The following TSPEAR variants were observed in gnomAD, a reference collection of about 807,000 sequenced individuals.
TSPEAR encodes thrombospondin-type laminin G domain and EAR repeat-containing protein.
A neutral mutation model predicts 71.6 loss-of-function variants in TSPEAR; 69 were observed. The ratio of observed to expected loss-of-function variants is 0.96; its 90% CI spans 0.79 to 1.18. The LOEUF (loss-of-function observed/expected upper bound fraction) is 1.18, where lower values mean the gene tolerates loss of function less well. Among genes scored for constraint, TSPEAR ranks in the 50% most tolerant of loss-of-function variants. The pLI is 0.00. For synonymous variants in TSPEAR, 402 were observed against 387.2 expected (o/e 1.04, Z -0.45); for missense variants, 971 against 894.9 (o/e 1.09, Z -1.09).
At chr21:44,664,246 G>GA (rs1985636890) in intron 1 of TSPEAR, among the ~76,000 whole-genome samples, 2 of 151,750 alleles carry the variant, frequency 1.3e-5, no homozygotes, top group Non-Finnish European at 2.9e-5. Context: ...CAAGGTCAAA[G>GA]AAAAAATGCC....
rs1555946022 is a variant in TSPEAR at position 44,671,959 on chromosome 21, A to G, written c.82+39474T>C. ...TAAACTATACAAATAAACCAGAAAA[A>G]CAGTTCAGGATATGAATGAGAAAAT... On this transcript the variant is annotated intron_variant, in intron 1 of 11. Coordinates refer to ENST00000323084, the MANE Select transcript of TSPEAR (RefSeq NM_144991.3). Among the ~76,000 whole-genome samples, 18 of 152,182 alleles carry G rather than the reference A, an allele frequency of 1.2e-4. No homozygotes were observed. The South Asian group carries it at 3.7e-3, about 31-fold the overall frequency.
intron 2 of TSPEAR, among the ~76,000 whole-genome samples, chr21:44,534,937 C>T (rs1257800830): frequency 6.6e-6 from 1 of 151,846 alleles, no homozygotes; most frequent in East Asian, 1.9e-4. Context: ...GAATATTAGT[C>T]AGCCATAAAG....
intron 1 of TSPEAR, among the ~76,000 whole-genome samples, chr21:44,652,472 T>C (rs1601532537): frequency 6.6e-6 from 1 of 152,230 alleles, no homozygotes; most frequent in South Asian, 2.1e-4. Context: ...CCTGAGTCTC[T>C]GACCTCCCAC....
At chr21:44,706,858 G>A (rs1555952491) in intron 1 of TSPEAR, among the ~76,000 whole-genome samples, 1 of 152,154 alleles carries the variant, frequency 6.6e-6, no homozygotes. Flanking sequence ...AGCCTCCTAC[G>A]CAGACCCCAC....
chr21:44,527,413 G>A lies in TSPEAR; in HGVS notation c.1028C>T (p.Ala343Val). The A allele has an allele frequency of 1.2e-6, 2 of 1,614,204 alleles. No homozygotes were observed. Among genetic ancestry groups the A allele is most frequent in the Non-Finnish European group, 1.7e-6 (2 of 1,180,046 alleles). The change falls in exon 7 of 12, where the codon GCC becomes GTC. Residue 343 changes from alanine (A) to valine (V), a missense_variant. Physicochemically the swap from Ala to Val is moderately conservative, Grantham distance 64. Transcript: ENST00000323084. ...FRIPQVGLFV[A>V]TANRKATSAV... ...GGATGTGGCTTTGCGATTGGCTGTG[G>A]CCACAAAGAGCCCCACCTGAGGGAT...
At chr21:44,702,414 G>GAAGTCTAGCTGC (rs1569268865) in intron 1 of TSPEAR, 1 of 1,235,026 alleles carries the variant, frequency 8.1e-7, no homozygotes, top group African/African-American at 2.4e-5. Flanking sequence ...TGTGCTGCCA[G>GAAGTCTAGCTGC]CAGTCTAGCT....
chr21:44,668,920 T>C (rs56310126), intron 1 of TSPEAR, among the ~76,000 whole-genome samples: 6,004 of 152,206 alleles, frequency 0.039, 128 homozygotes, highest in Middle Eastern at 0.085. Flanking sequence ...AGTAGGGAAA[T>C]TGAAACTATT....
intron 10 of TSPEAR, among the ~76,000 whole-genome samples, chr21:44,505,748 CCTTT>C (rs78122555): frequency 0.031 from 4,784 of 151,994 alleles, 191 homozygotes; most frequent in East Asian, 0.084. Context: ...GAATCGCCTT[CCTTT>C]CTAAGGCCGA....
At chr21:44,505,481 G>T (rs1484383890) in intron 10 of TSPEAR, among the ~76,000 whole-genome samples, 1 of 149,120 alleles carries the variant, frequency 6.7e-6, no homozygotes, top group Non-Finnish European at 1.5e-5. Context: ...ATACTGCTGT[G>T]TGGCCGCCCC....
chr21:44,525,995 ATGG>A lies in TSPEAR; in HGVS notation c.1150-159_1150-157del, dbSNP rs377277430. ...CGAGGCCCCCGCATTACAGGTCATC[ATGG>A]TGGGGTGGGCGCAGAGCCGGTCATT... On this transcript the variant is annotated intron_variant, in intron 7 of 11. Transcript: ENST00000323084. 3.3e-3 allele frequency: 2,204 copies of A among 672,910 alleles called. 8 individuals are homozygous for A. Among genetic ancestry groups the A allele is most frequent in the Non-Finnish European group, 4.5e-3 (1,769 of 389,364 alleles). 41.7% of individuals were successfully genotyped at this position (672,910 alleles called of 1,614,324 possible). A position where few individuals can be genotyped will look rare whatever the true frequency, so the allele number is the denominator to read the frequency against.
Position 44,650,718 on chromosome 21 carries a change from CACGCCCTCCA to C in TSPEAR, c.82+60705_82+60714del, listed in dbSNP as rs201702026. On this transcript the variant is annotated intron_variant, in intron 1 of 11. Coordinates refer to ENST00000323084, the MANE Select transcript of TSPEAR (RefSeq NM_144991.3). ...TGTCACAGCAGCCCCCGGATGTCAA[CACGCCCTCCA>C]GCTCCAGCCCCCAGTGAGGGTGGAG... is the stretch of plus-strand genomic sequence containing the variant. Among the ~76,000 whole-genome samples, 1,075 of 152,332 alleles carry C rather than the reference CACGCCCTCCA, an allele frequency of 7.1e-3. 9 individuals carry two copies. The highest frequency in any genetic ancestry group is 0.025 in the African/African-American group (1,032 of 41,580).
chr21:44,525,673 G>A lies in TSPEAR; in HGVS notation c.1316C>T (p.Ala439Val), dbSNP rs782774422. The change falls in exon 8 of 12, where the codon GCG (alanine) becomes GTG (valine). Residue 439 changes from alanine to valine, a missense_variant. Ala to Val is a moderately conservative substitution (Grantham distance 64). Coordinates refer to ENST00000323084, the MANE Select transcript of TSPEAR (RefSeq NM_144991.3). ...AFEVDGEHFL[A>V]VANHREGDNH... ...CCTACCTTCCCGGTGGTTGGCCACC[G>A]CCAGGAAGTGCTCCCCATCCACCTC... 32 of 1,613,950 alleles carry A rather than the reference G, an allele frequency of 2.0e-5. No homozygotes were observed. The highest frequency in any genetic ancestry group is 1.8e-4 in the East Asian group (8 of 44,900).
At chr21:44,690,724 T>C (rs1332840999) in intron 1 of TSPEAR, 2 of 402,016 alleles carry the variant, frequency 5.0e-6, no homozygotes, top group Non-Finnish European at 6.7e-6. Context: ...TAAGGCTAAG[T>C]AGCATGTATT....
intron 1 of TSPEAR, among the ~76,000 whole-genome samples, chr21:44,618,349 G>A (rs1286790977): frequency 1.3e-5 from 2 of 152,228 alleles, no homozygotes; most frequent in Non-Finnish European, 2.9e-5. Context: ...CCCCAGCCAT[G>A]TGAAACTGAG....
intron 1 of TSPEAR, chr21:44,574,953 T>C (rs782504570): frequency 1.2e-6 from 2 of 1,606,618 alleles, no homozygotes; most frequent in South Asian, 2.2e-5. Context: ...CTCCTGCGTG[T>C]CCCTCCTCTG....
rs587711419 is a variant in TSPEAR at position 44,609,478 on chromosome 21, G to C, written c.83-41473C>G. On this transcript the variant is annotated intron_variant, in intron 1 of 11. Transcript: ENST00000323084. ...CCAGGAAGTAATGGATCCAACATCAGAGAGAGATGAATGAAAATCCAAAGA... is the reference window on the plus strand; with the variant it reads ...CCAGGAAGTAATGGATCCAACATCACAGAGAGATGAATGAAAATCCAAAGA... Among the ~76,000 whole-genome samples the C allele has an allele frequency of 2.0e-5, 3 of 152,330 alleles. No individual in the cohort carries two copies. In the East Asian group the frequency reaches 5.8e-4, roughly 29 times the overall value.
chr21:44,619,857 A>G (rs1982334446), intron 1 of TSPEAR, among the ~76,000 whole-genome samples: 1 of 152,246 alleles, frequency 6.6e-6, no homozygotes, highest in South Asian at 2.1e-4. Context: ...AATGAAGAAA[A>G]ATAAACAAAT....
chr21:44,688,374 A>G lies in TSPEAR; in HGVS notation c.82+23059T>C, dbSNP rs549036793. 2.6e-5 allele frequency among the ~76,000 whole-genome samples: 4 copies of G among 152,224 alleles called. No individual in the cohort carries two copies. The East Asian group carries it at 7.8e-4, about 30-fold the overall frequency. On this transcript the variant is annotated intron_variant, in intron 1 of 11. Transcript: ENST00000323084. The stretch of plus-strand genomic sequence containing the variant: ...TTCCCATCTCCACCTTCCCAAGACC[A>G]CCACAGGGGAGGGCAAGTGAGTTTA...
At chr21:44,670,629 G>A (rs1041572204) in intron 1 of TSPEAR, among the ~76,000 whole-genome samples, 2 of 152,152 alleles carry the variant, frequency 1.3e-5, no homozygotes, top group African/African-American at 4.8e-5. Flanking sequence ...CCATGGGAGA[G>A]CCTCTTATTC....
Sources: allele counts gnomAD v4.1 joint callset (sites outside exome capture counted in the v4.1 genomes callset), GRCh38; gene constraint gnomAD v4.1.1; transcripts MANE v1.5; gene names NCBI Gene and HGNC (gene_info 2026-07-23, HGNC 2026-07-21).